FAT2: variants seen among roughly 807,000 people sequenced by gnomAD.
The protein encoded by FAT2 is FAT atypical cadherin 2, also known as protocadherin Fat 2.
A neutral mutation model predicts 295.3 loss-of-function variants in FAT2; 150 were observed. The ratio of observed to expected loss-of-function variants is 0.51; its 90% CI spans 0.44 to 0.58. The LOEUF is 0.58. Among genes scored for constraint, FAT2 ranks in the 20% least tolerant of loss-of-function variants. FAT2 has a pLI of 0.00. For missense variants in FAT2, 4,868 were observed against 5,442.7 expected, an observed-to-expected ratio of 0.89 and a Z score of 3.32; for synonymous variants, 2,026 against 2,150.3, an observed-to-expected ratio of 0.94 and a Z score of 1.60.
chr5:151,551,363 C>G, intron 7 of FAT2, 104 bp downstream of exon 7: 1 of 1,214,652 alleles, frequency 8.2e-7, no homozygotes, highest in Non-Finnish European at 1.2e-6. Flanking sequence ...ATTCAGTGTT[C>G]CTTGAGGAAC....
intron 20 of FAT2, among the ~76,000 whole-genome samples, chr5:151,516,495 G>A (rs924666582): frequency 3.3e-5 from 5 of 152,074 alleles, no homozygotes; most frequent in African/African-American, 9.7e-5. Flanking sequence ...CAGCCTGGGC[G>A]ACAGAGTGAG....
rs185887728 is a variant in FAT2 at position 151,509,187 on chromosome 5, A to G, written c.12059+834T>C. 1.7e-4 allele frequency among the ~76,000 whole-genome samples: 26 copies of G among 152,336 alleles called. 1 individual carries two copies. Among genetic ancestry groups the G allele is most frequent in the Admixed American group, 1.3e-3 (20 of 15,304 alleles). The stretch of plus-strand genomic sequence containing the variant: ...GGAAGTTCAGGTCCAGAGTGAGAGA[A>G]TAAGCACTTCAGCCATTTTCAGACT... On this transcript the variant is annotated intron_variant, in intron 22 of 23. Transcript: ENST00000261800.
At position 151,554,422 on chromosome 5, in the gene FAT2, C is replaced by G. The variant is rs2127630437; in HGVS notation, c.3885G>C (p.Leu1295=). The change falls in exon 5 of 24, where the codon CTG becomes CTC. Residue 1295 remains leucine (L), a synonymous_variant. Transcript: ENST00000261800. The part of the protein sequence containing the change: ...DSDEEAFSID[L]VTGVVSSSST... ...TGCTGGATGAAACCACACCTGTGAC[C>G]AGGTCGATACTGAAGGCCTCCTCAT... 1.2e-6 allele frequency: 2 copies of G among 1,614,184 alleles called. No homozygotes were observed. Among genetic ancestry groups the G allele is most frequent in the South Asian group, 1.1e-5 (1 of 91,080 alleles).
chr5:151,560,272 T>C (rs1177797788), intron 3 of FAT2, among the ~76,000 whole-genome samples: 1 of 152,248 alleles, frequency 6.6e-6, no homozygotes, highest in Non-Finnish European at 1.5e-5. Context: ...TATTAACTCA[T>C]TTAATTCTCA....
intron 22 of FAT2, 75 bp downstream of exon 22, chr5:151,509,946 G>T: frequency 1.3e-6 from 2 of 1,537,088 alleles, no homozygotes; most frequent in Non-Finnish European, 1.8e-6. Context: ...CCTCCCATTG[G>T]ACTTTCTAGA....
rs2127598405 is a variant in FAT2, at chr5:151,537,835, G to A, written c.9151C>T (p.His3051Tyr). The change falls in exon 12 of 24, where the codon CAT (histidine) becomes TAT (tyrosine). Residue 3051 changes from histidine to tyrosine, a missense_variant. This residue lies in a region of FAT2 where 1,046 missense variants were observed against 1,210.1 expected (regional missense o/e 0.86). Transcript: ENST00000261800. ...DTNAQITYSL[H>Y]GPGAHEFKLD... Reference sequence around the variant, plus strand: ...TTGAATTCATGCGCCCCAGGGCCATGCAGAGAATATGTGATCTGAGCATTG... The same window carrying A: ...TTGAATTCATGCGCCCCAGGGCCATACAGAGAATATGTGATCTGAGCATTG... 1 of 1,614,120 alleles carries A rather than the reference G, an allele frequency of 6.2e-7. No individual in the cohort carries two copies. The highest frequency in any genetic ancestry group is 8.5e-7 in the Non-Finnish European group (1 of 1,179,974).
chr5:151,567,103 A>T lies in FAT2; in HGVS notation c.1829T>A (p.Phe610Tyr), dbSNP rs757553970. ...EIVSGNELEY[F>Y]DLNHFSGVIS... ...CACTCCGGAGAAATGATTTAGATCA[A>T]AATACTCTAGTTCATTGCCTGATAC... The change falls in exon 2 of 24, where the codon TTT becomes TAT. Residue 610 changes from phenylalanine to tyrosine, a missense_variant. Phe to Tyr is a conservative substitution (Grantham distance 22). Coordinates refer to ENST00000261800, the MANE Select transcript of FAT2 (RefSeq NM_001447.3). The T allele has an allele frequency of 2.1e-5, 34 of 1,614,058 alleles. No homozygotes were observed. Among genetic ancestry groups the T allele is most frequent in the African/African-American group, 2.7e-5 (2 of 74,912 alleles).
intron 10 of FAT2, 127 bp from the exon 11 acceptor site, chr5:151,540,890 C>G (rs1226613832): frequency 2.4e-6 from 2 of 830,844 alleles, no homozygotes; most frequent in East Asian, 2.7e-5. Context: ...CCTTCCTTAA[C>G]TAGGAACCCA....
chr5:151,593,774 C>T (rs987167426), upstream of FAT2, among the ~76,000 whole-genome samples: 3 of 151,994 alleles, frequency 2.0e-5, no homozygotes, highest in Admixed American at 6.6e-5. Context: ...GAGGCCGAGG[C>T]GGGTGGATCA....
In FAT2 at chr5:151,531,725, C is replaced by G. The variant is rs145417867; in HGVS notation, c.9673G>C (p.Val3225Leu). Residue 3225 changes from valine to leucine, a missense_variant, in exon 14 of 24, where the codon GTG (valine) becomes CTG (leucine). By Grantham distance (32) the Val-to-Leu change is conservative. This residue lies in a region of FAT2 where 1,046 missense variants were observed against 1,210.1 expected (regional missense o/e 0.86). Transcript: ENST00000261800. This position sits in a 1 kb window ranked among gnomAD's most constrained non-coding sequence, Gnocchi z 5.7. ...LPVFLNTEHS[V>L]QVPEDAPPGT... The stretch of plus-strand genomic sequence containing the variant: ...GGTGGGGCGTCCTCGGGCACCTGCA[C>G]GCTGTGCTCGGTGTTCAGGAACACG... 1 of 1,613,800 alleles carries G rather than the reference C, an allele frequency of 6.2e-7. No homozygotes were observed. The highest frequency in any genetic ancestry group is 1.3e-5 in the African/African-American group (1 of 74,924).
chr5:151,520,961 G>A (rs1252456393), intron 19 of FAT2, among the ~76,000 whole-genome samples: 3 of 152,218 alleles, frequency 2.0e-5, no homozygotes, highest in Non-Finnish European at 4.4e-5. Flanking sequence ...AAAGTCGCCT[G>A]GTTAGTAAGG....
At chr5:151,542,170 A>C in intron 10 of FAT2, 115 bp downstream of exon 10, 9 of 978,464 alleles carry the variant, frequency 9.2e-6, no homozygotes, top group Non-Finnish European at 1.4e-5. Flanking sequence ...AAGTGTGCCC[A>C]AGGTCACACT....
chr5:151,542,043 C>A (rs1189539277), intron 10 of FAT2, among the ~76,000 whole-genome samples: 1 of 152,144 alleles, frequency 6.6e-6, no homozygotes, highest in African/African-American at 2.4e-5. Flanking sequence ...TTTTGCAAAG[C>A]ACTTTCTAAT....
In FAT2 at chr5:151,531,997, C is replaced by T. The variant is rs953005261; in HGVS notation, c.9428-27G>A. The T allele has an allele frequency of 5.6e-6, 9 of 1,610,548 alleles. No individual in the cohort carries two copies. The highest frequency in any genetic ancestry group is 2.7e-5 in the African/African-American group (2 of 74,818). On this transcript the variant is annotated intron_variant, in intron 13 of 23. Transcript: ENST00000261800. The surrounding 1 kb of genome is among the most constrained non-coding windows in gnomAD (Gnocchi z 5.7). ...TGGCAGGGAGACCAAGGGTGTGATC[C>T]ACACTGAGGGCGCCTCCTCTGGACC...
intron 3 of FAT2, among the ~76,000 whole-genome samples, chr5:151,562,904 T>C (rs1268296754): frequency 6.6e-6 from 1 of 152,052 alleles, no homozygotes; most frequent in Non-Finnish European, 1.5e-5. Context: ...TTGAGATCAG[T>C]CTGGAACTAG....
chr5:151,536,813 C>T (rs1022264603), intron 12 of FAT2, among the ~76,000 whole-genome samples: 2 of 152,234 alleles, frequency 1.3e-5, no homozygotes, highest in Non-Finnish European at 2.9e-5. Flanking sequence ...ATGACACTCA[C>T]CTGCCTAAAT....
chr5:151,528,643 G>A (rs1754274121), intron 15 of FAT2, among the ~76,000 whole-genome samples: 1 of 152,192 alleles, frequency 6.6e-6, no homozygotes, highest in East Asian at 1.9e-4. Flanking sequence ...TTCCTGTGTG[G>A]TTGGAGCATA....
Position 151,537,790 on chromosome 5 carries a change from C to T in FAT2, c.9193+3G>A, listed in dbSNP as rs750651172. The T allele has an allele frequency of 2.5e-6, 4 of 1,606,952 alleles. No homozygotes were observed. The highest frequency in any genetic ancestry group is 1.1e-5 in the South Asian group (1 of 90,026). ...TTTTGATCCTGCAGCTCAGGAAACCCACCTGTATGAGGATCCAGCTTGAAT... is the reference window on the plus strand; with the variant it reads ...TTTTGATCCTGCAGCTCAGGAAACCTACCTGTATGAGGATCCAGCTTGAAT... On this transcript the variant is annotated splice_donor_region_variant and intron_variant, in intron 12 of 23. Transcript: ENST00000261800.
rs965232286 is a variant in FAT2, at chr5:151,528,144, G to T, written c.10027-11C>A. On this transcript the variant is annotated splice_polypyrimidine_tract_variant and intron_variant, in intron 15 of 23. Transcript: ENST00000261800. ...ATCAGTCGCTGATACCTGCGGTGGGGTAGGGGGATTGTGAATGGAGGGACA... is the reference window on the plus strand; with the variant it reads ...ATCAGTCGCTGATACCTGCGGTGGGTTAGGGGGATTGTGAATGGAGGGACA... 1.2e-6 allele frequency: 2 copies of T among 1,612,868 alleles called. No individual in the cohort carries two copies. Among genetic ancestry groups the T allele is most frequent in the African/African-American group, 1.3e-5 (1 of 74,908 alleles).
Sources: allele counts gnomAD v4.1 joint callset (sites outside exome capture counted in the v4.1 genomes callset), GRCh38; gene constraint gnomAD v4.1.1; regional missense constraint gnomAD v4.1.1; non-coding constraint Gnocchi (gnomAD v3.1); transcripts MANE v1.5; gene names NCBI Gene and HGNC (gene_info 2026-07-23, HGNC 2026-07-21).